Variants in NETO1 observed in about 807,000 individuals in gnomAD.
NETO1 encodes neuropilin and tolloid-like protein 1.
A neutral mutation model predicts 61.3 loss-of-function variants in NETO1; 26 were observed. The ratio of observed to expected loss-of-function variants is 0.42; its 90% confidence interval spans 0.31 to 0.59. The LOEUF (loss-of-function observed/expected upper bound fraction) is 0.59, where lower values mean the gene tolerates loss of function less well. Ranked by LOEUF, NETO1 falls within the 20% of genes least tolerant of loss-of-function variation. The pLI, the probability that NETO1 is intolerant of heterozygous loss-of-function variation, is 0.12. For synonymous variants in NETO1, 225 were observed against 225.8 expected (o/e 1.00, Z 0.03); for missense variants, 531 against 662.8 (o/e 0.80, Z 2.18).
rs144053398 is a variant in NETO1 at position 72,777,722 on chromosome 18, G to A, written c.868+5956C>T. ...TGCGCCACTGCACTCCAGCCTGGGG[G>A]ACAGAACGAGACTCCATCTCAAATA... On this transcript the variant is annotated intron_variant, in intron 7 of 10. Coordinates refer to ENST00000327305, the MANE Select transcript of NETO1 (RefSeq NM_138966.5). Among the ~76,000 whole-genome samples the A allele has an allele frequency of 5.6e-3, 860 of 152,276 alleles. 6 individuals are homozygous for A. Among genetic ancestry groups the A allele is most frequent in the African/African-American group, 0.02 (826 of 41,558 alleles).
chr18:72,867,561 G>T lies in NETO1; in HGVS notation c.-270C>A, dbSNP rs1472484412. On this transcript the variant is annotated 5_prime_UTR_variant, in exon 1 of 11. Coordinates refer to ENST00000327305, the MANE Select transcript of NETO1 (RefSeq NM_138966.5). ...CAGCCAGCAGCATCCCCACCGTGACGCTCGCATCACACCCGGGCGCCGGCC... is the reference window on the plus strand; with the variant it reads ...CAGCCAGCAGCATCCCCACCGTGACTCTCGCATCACACCCGGGCGCCGGCC... The T allele has an allele frequency of 8.6e-6, 3 of 349,384 alleles. No individual in the cohort carries two copies. Among genetic ancestry groups the T allele is most frequent in the East Asian group, 8.3e-5 (2 of 24,038 alleles). The allele number at this position is 349,384 out of a possible 1,614,324, so 21.6% of individuals were successfully genotyped here.
chr18:72,763,583 CCA>C (rs1015195497), intron 7 of NETO1, among the ~76,000 whole-genome samples: 9 of 138,924 alleles, frequency 6.5e-5, no homozygotes, highest in Middle Eastern at 7.6e-3. Flanking sequence ...AACTCATACA[CCA>C]CACACACACT....
In NETO1 at chr18:72,851,831, G is replaced by A. The variant is rs565163674; in HGVS notation, c.469+6995C>T. Among the ~76,000 whole-genome samples, 11 of 152,278 alleles carry A rather than the reference G, an allele frequency of 7.2e-5. No homozygotes were observed. In the East Asian group the frequency reaches 7.7e-4, roughly 11 times the overall value. On this transcript the variant is annotated intron_variant, in intron 4 of 10. Transcript: ENST00000327305. Reference sequence around the variant, plus strand: ...ACTAAAATTACTTGCAATATGTGATGTAATTAAAGTTATAATCTCAACACT... The same window carrying A: ...ACTAAAATTACTTGCAATATGTGATATAATTAAAGTTATAATCTCAACACT...
chr18:72,855,514 C>T (rs2074387288), intron 4 of NETO1, among the ~76,000 whole-genome samples: 1 of 152,170 alleles, frequency 6.6e-6, no homozygotes, highest in Non-Finnish European at 1.5e-5. Flanking sequence ...CTCCTTTAAG[C>T]CCATTTCTAT....
At chr18:72,829,952 G>A (rs2073519087) in intron 4 of NETO1, among the ~76,000 whole-genome samples, 1 of 152,164 alleles carries the variant, frequency 6.6e-6, no homozygotes, top group African/African-American at 2.4e-5. Flanking sequence ...TATATTCGCA[G>A]TGTATCCACA....
At chr18:72,859,966 G>A (rs1288267926) in intron 3 of NETO1, among the ~76,000 whole-genome samples, 1 of 151,882 alleles carries the variant, frequency 6.6e-6, no homozygotes, top group Non-Finnish European at 1.5e-5. Flanking sequence ...ATAAATGAGT[G>A]TATATTCATA....
In NETO1 at chr18:72,867,232, G is replaced by T. The variant is rs1372590886; in HGVS notation, c.28+32C>A. ...AAAGGGGCGGGAGGGCTGGCTCCGG[G>T]AGCGCACGGGCGCGGCGGGGAGGGT... On this transcript the variant is annotated intron_variant, in intron 1 of 10. Transcript: ENST00000327305. 8 of 1,526,294 alleles carry T rather than the reference G, an allele frequency of 5.2e-6. No homozygotes were observed. The African/African-American group carries it at 8.5e-5, about 16-fold the overall frequency. 94.5% of individuals were successfully genotyped at this position (1,526,294 alleles called of 1,614,324 possible).
intron 4 of NETO1, among the ~76,000 whole-genome samples, chr18:72,856,152 A>G (rs1235722791): frequency 2.0e-5 from 3 of 152,218 alleles, no homozygotes; most frequent in African/African-American, 7.2e-5. Flanking sequence ...AGTTTCTGAG[A>G]CTGCGAGATT....
intron 4 of NETO1, among the ~76,000 whole-genome samples, chr18:72,852,480 G>T (rs2074281338): frequency 6.6e-6 from 1 of 152,146 alleles, no homozygotes; most frequent in Non-Finnish European, 1.5e-5. Context: ...TTCCCAAAGT[G>T]CCGGGATTAC....
At chr18:72,748,358 A>G in intron 10 of NETO1, 194 bp from the exon 11 acceptor site, 1 of 926,550 alleles carries the variant, frequency 1.1e-6, no homozygotes. Context: ...ATAGATATAA[A>G]CAATCAAGAG....
chr18:72,858,110 A>T (rs570248992), intron 4 of NETO1, among the ~76,000 whole-genome samples: 2 of 152,306 alleles, frequency 1.3e-5, no homozygotes, highest in South Asian at 4.1e-4. Flanking sequence ...AAATTAATGC[A>T]TGTAGTGTTC....
At chr18:72,792,212 A>T (rs1339751589) in intron 6 of NETO1, among the ~76,000 whole-genome samples, 1 of 152,116 alleles carries the variant, frequency 6.6e-6, no homozygotes, top group African/African-American at 2.4e-5. Context: ...TGGGCAGATC[A>T]CCTGAGATCA....
At chr18:72,786,695 C>T (rs968160879) in intron 6 of NETO1, among the ~76,000 whole-genome samples, 1 of 152,008 alleles carries the variant, frequency 6.6e-6, no homozygotes, top group East Asian at 1.9e-4. Flanking sequence ...CACAATATTT[C>T]ATTTCTAAAA....
chr18:72,788,964 A>C (rs904414372), intron 6 of NETO1, among the ~76,000 whole-genome samples: 1 of 152,134 alleles, frequency 6.6e-6, no homozygotes, highest in Non-Finnish European at 1.5e-5. Flanking sequence ...ATAAGTAAAA[A>C]TTAAATCTGT....
chr18:72,805,243 A>G (rs1303499026), intron 4 of NETO1, among the ~76,000 whole-genome samples: 1 of 152,154 alleles, frequency 6.6e-6, no homozygotes. Flanking sequence ...ATCAATTTGT[A>G]TTTTTAAGCA....
In NETO1 at chr18:72,773,427, C is replaced by T. The variant is rs138745926; in HGVS notation, c.868+10251G>A. On this transcript the variant is annotated intron_variant, in intron 7 of 10. Coordinates refer to ENST00000327305, the MANE Select transcript of NETO1 (RefSeq NM_138966.5). ...TGATATCCCAGGCTATTCACAAGTT[C>T]TGACTGTCTCAAGAGGAGGGGATTA... Among the ~76,000 whole-genome samples, 32 of 152,286 alleles carry T rather than the reference C, an allele frequency of 2.1e-4. No individual in the cohort carries two copies. In the East Asian group the frequency reaches 6.0e-3, roughly 29 times the overall value.
At chr18:72,780,066 T>A (rs542050734) in intron 7 of NETO1, among the ~76,000 whole-genome samples, 45 of 152,246 alleles carry the variant, frequency 3.0e-4, no homozygotes, top group African/African-American at 1.0e-3. Flanking sequence ...CACCTCCTTA[T>A]CCCCTCACCT....
chr18:72,767,167 TA>T (rs111738307), intron 7 of NETO1, among the ~76,000 whole-genome samples: 28 of 152,270 alleles, frequency 1.8e-4, no homozygotes, highest in African/African-American at 6.0e-4. Context: ...GAGCCAAGCG[TA>T]AACACATCAC....
intron 7 of NETO1, among the ~76,000 whole-genome samples, chr18:72,763,132 G>GT (rs5826209): frequency 0.018 from 2,666 of 146,452 alleles, 40 homozygotes; most frequent in African/African-American, 0.044. Flanking sequence ...ATTAGATTTC[G>GT]TTTTTTTTTT....
Sources: allele counts gnomAD v4.1 joint callset (sites outside exome capture counted in the v4.1 genomes callset), GRCh38; gene constraint gnomAD v4.1.1; transcripts MANE v1.5; gene names NCBI Gene and HGNC (gene_info 2026-07-23, HGNC 2026-07-21).